CAMK1D: variants seen among roughly 807,000 people sequenced by gnomAD.
CAMK1D encodes the protein calcium/calmodulin-dependent protein kinase type 1D.
In CAMK1D, 9 loss-of-function variants were observed where a neutral mutation model predicts 47.7. That is an observed-to-expected ratio of 0.19 (90% confidence interval 0.11 to 0.33). The LOEUF is 0.33. Ranked by LOEUF, CAMK1D falls within the 10% of genes least tolerant of loss-of-function variation. The pLI is 1.00. For synonymous variants in CAMK1D, 184 were observed against 184.9 expected, an observed-to-expected ratio of 0.99 and a Z score of 0.04; for missense variants, 291 against 488.7, an observed-to-expected ratio of 0.60 and a Z score of 3.81.
At chr10:12,480,260 T>G (rs1329847882) in intron 1 of CAMK1D, among the ~76,000 whole-genome samples, 1 of 151,962 alleles carries the variant, frequency 6.6e-6, no homozygotes, top group African/African-American at 2.4e-5. Context: ...CCAACTGAAA[T>G]CCGGTCTCTA....
intron 4 of CAMK1D, among the ~76,000 whole-genome samples, chr10:12,766,793 TG>T (rs1195797886): frequency 6.6e-6 from 1 of 151,750 alleles, no homozygotes; most frequent in Non-Finnish European, 1.5e-5. Context: ...ATACCCGTGG[TG>T]GGGGGATTCT....
At chr10:12,466,785 T>C (rs146908825) in intron 1 of CAMK1D, among the ~76,000 whole-genome samples, 89 of 152,042 alleles carry the variant, frequency 5.9e-4, no homozygotes, top group African/African-American at 2.1e-3. Flanking sequence ...CTTGGGAACG[T>C]TTTTTATGGG....
intron 3 of CAMK1D, among the ~76,000 whole-genome samples, chr10:12,695,992 C>T (rs1026802332): frequency 3.3e-5 from 5 of 152,106 alleles, no homozygotes; most frequent in East Asian, 3.9e-4. Flanking sequence ...GCAGGAGAAT[C>T]GCTTGAACCC....
chr10:12,503,840 A>G (rs777758178), intron 1 of CAMK1D, among the ~76,000 whole-genome samples: 6 of 152,136 alleles, frequency 3.9e-5, no homozygotes, highest in South Asian at 2.1e-4. Flanking sequence ...CTTTGTGCCA[A>G]TGTTAAAGTT....
chr10:12,456,381 A>G (rs1833243144), intron 1 of CAMK1D: 1 of 152,064 alleles, frequency 6.6e-6, no homozygotes, highest in Non-Finnish European at 1.5e-5. Flanking sequence ...TAGAGGGGAA[A>G]CCTGTTAGCC....
chr10:12,457,102 T>C lies in CAMK1D; in HGVS notation c.93-96123T>C, dbSNP rs148051486. On this transcript the variant is annotated intron_variant, in intron 1 of 10. Transcript: ENST00000619168. ...TGTTAAAGAGAATGATAAAAATCTG[T>C]GTTTCTGTCCAGGCATGGTGGCTCA... 1.8e-3 allele frequency among the ~76,000 whole-genome samples: 271 copies of C among 152,186 alleles called. 5 individuals are homozygous for C. The highest frequency in any genetic ancestry group is 0.015 in the Admixed American group (235 of 15,280).
chr10:12,664,974 A>G (rs1217956634), intron 2 of CAMK1D, among the ~76,000 whole-genome samples: 1 of 152,226 alleles, frequency 6.6e-6, no homozygotes, highest in African/African-American at 2.4e-5. Context: ...CGTGATGCCT[A>G]CTTTTTGTGG....
chr10:12,393,101 T>G (rs1032663467), intron 1 of CAMK1D, among the ~76,000 whole-genome samples: 2 of 151,700 alleles, frequency 1.3e-5, no homozygotes, highest in African/African-American at 4.8e-5. Context: ...GTGCAATCTC[T>G]GCTCACTCCA....
intron 1 of CAMK1D, among the ~76,000 whole-genome samples, chr10:12,360,859 A>G (rs1564292386): frequency 1.3e-5 from 2 of 152,122 alleles, no homozygotes. Context: ...TGCCTCTCCC[A>G]TCTTTCTTTC....
intron 2 of CAMK1D, among the ~76,000 whole-genome samples, chr10:12,564,753 T>G (rs528751995): frequency 7.2e-5 from 11 of 152,216 alleles, no homozygotes; most frequent in Non-Finnish European, 7.3e-5. Context: ...TCACTTGGGA[T>G]ACAAACACAT....
intron 2 of CAMK1D, among the ~76,000 whole-genome samples, chr10:12,644,087 C>T (rs1839750399): frequency 6.6e-6 from 1 of 152,054 alleles, no homozygotes; most frequent in Admixed American, 6.6e-5. Context: ...CTGAAATCAT[C>T]CCGAAACCAT....
At position 12,830,948 on chromosome 10, in the gene CAMK1D, C is replaced by CACACACACACAA. The variant is rs1390086274; in HGVS notation, c.*2072_*2073insAACACACACACA. 1.8e-4 allele frequency: 27 copies of CACACACACACAA among 153,900 alleles called. No homozygotes were observed. Among genetic ancestry groups the CACACACACACAA allele is most frequent in the African/African-American group, 5.8e-4 (24 of 41,146 alleles). The allele number at this position is 153,900 out of a possible 1,614,324, so 9.5% of individuals were successfully genotyped here. A position where few individuals can be genotyped will look rare whatever the true frequency, so the allele number is the denominator to read the frequency against. The stretch of plus-strand genomic sequence containing the variant: ...ATAAACACACACACACACACACACA[C>CACACACACACAA]ACACACACACACACACAATGTTATT... On this transcript the variant is annotated 3_prime_UTR_variant, in exon 11 of 11. Coordinates refer to ENST00000619168, the MANE Select transcript of CAMK1D (RefSeq NM_153498.4).
At chr10:12,696,189 A>G (rs1311152772) in intron 3 of CAMK1D, among the ~76,000 whole-genome samples, 3 of 152,028 alleles carry the variant, frequency 2.0e-5, no homozygotes, top group African/African-American at 7.2e-5. Context: ...TATTTACCAG[A>G]TTTTTCAATA....
At chr10:12,573,764 C>G (rs981777871) in intron 2 of CAMK1D, among the ~76,000 whole-genome samples, 3 of 151,344 alleles carry the variant, frequency 2.0e-5, no homozygotes, top group African/African-American at 7.3e-5. Flanking sequence ...AAGGGATCCT[C>G]CCACCTCAGC....
chr10:12,682,671 A>G (rs1434718789), intron 3 of CAMK1D, among the ~76,000 whole-genome samples: 1 of 152,218 alleles, frequency 6.6e-6, no homozygotes, highest in African/African-American at 2.4e-5. Context: ...GTAATCATCA[A>G]ATGCAACTTT....
chr10:12,401,052 A>T (rs1460024872), intron 1 of CAMK1D, among the ~76,000 whole-genome samples: 1 of 103,448 alleles, frequency 9.7e-6, no homozygotes, highest in African/African-American at 3.7e-5. Flanking sequence ...TATTATATAT[A>T]TTATATATAT....
chr10:12,786,587 C>T (rs1837734418), intron 5 of CAMK1D, among the ~76,000 whole-genome samples: 1 of 152,220 alleles, frequency 6.6e-6, no homozygotes, highest in Non-Finnish European at 1.5e-5. Context: ...GAGACAGCGT[C>T]TCACTCTGTT....
intron 2 of CAMK1D, among the ~76,000 whole-genome samples, chr10:12,619,952 A>G (rs1199208839): frequency 6.6e-6 from 1 of 152,094 alleles, no homozygotes; most frequent in African/African-American, 2.4e-5. Context: ...ACAATATGTA[A>G]CCTTTTGGGA....
chr10:12,469,192 A>C (rs556562261), intron 1 of CAMK1D, among the ~76,000 whole-genome samples: 59 of 152,244 alleles, frequency 3.9e-4, no homozygotes, highest in African/African-American at 1.4e-3. Flanking sequence ...TGCTGAGCTT[A>C]AAGGGTCTCC....
Sources: allele counts gnomAD v4.1 joint callset (sites outside exome capture counted in the v4.1 genomes callset), GRCh38; gene constraint gnomAD v4.1.1; transcripts MANE v1.5; gene names NCBI Gene and HGNC (gene_info 2026-07-23, HGNC 2026-07-21).